The following BLTP3A variants were observed in gnomAD, a reference collection of about 807,000 sequenced individuals.
BLTP3A encodes bridge-like lipid transfer protein family member 3A, also known as ICBP90 binding protein 1.
chr6:34,858,012 G>A, the BLTP3A span: 1 of 1,556,934 alleles, frequency 6.4e-7, no homozygotes, highest in Admixed American at 1.9e-5. Flanking sequence ...CCATTTTGTG[G>A]AAGTAAGAAA....
the BLTP3A span, among the ~76,000 whole-genome samples, chr6:34,870,157 TG>T: frequency 1.3e-5 from 2 of 151,988 alleles, no homozygotes; most frequent in African/African-American, 2.4e-5. Context: ...TTCTAGTTTT[TG>T]TTTGTTTGTT....
the BLTP3A span, among the ~76,000 whole-genome samples, chr6:34,826,644 G>A: frequency 2.0e-5 from 3 of 152,102 alleles, no homozygotes; most frequent in Non-Finnish European, 2.9e-5. Context: ...AGACGTGAGC[G>A]ACTGTGCCTG....
the BLTP3A span, chr6:34,836,461 C>T: frequency 9.6e-7 from 1 of 1,041,014 alleles, no homozygotes; most frequent in African/African-American, 1.6e-5. Flanking sequence ...CTTTGGTTGG[C>T]TTCCCTTAAT....
the BLTP3A span, chr6:34,834,811 T>C: frequency 3.1e-6 from 5 of 1,614,242 alleles, 1 homozygote; most frequent in South Asian, 4.4e-5. Context: ...CACCACTCCA[T>C]TGAGGCTTAT....
chr6:34,792,381 G>A, the BLTP3A span: 117 of 1,352,586 alleles, frequency 8.7e-5, no homozygotes, highest in Middle Eastern at 7.8e-4. Context: ...TCCGGGCCCA[G>A]TCTGCCTCTC....
chr6:34,823,186 A>G, the BLTP3A span: 1 of 1,314,784 alleles, frequency 7.6e-7, no homozygotes, highest in Non-Finnish European at 1.1e-6. Context: ...GATGAATGAC[A>G]CAGTCTGTGC....
At chr6:34,859,707 A>G in the BLTP3A span, 11 of 1,312,058 alleles carry the variant, frequency 8.4e-6, no homozygotes, top group African/African-American at 1.5e-5. Context: ...AGAATGGCCT[A>G]TTTAATGGGC....
At chr6:34,850,138 G>A in the BLTP3A span, among the ~76,000 whole-genome samples, 1 of 150,048 alleles carries the variant, frequency 6.7e-6, no homozygotes, top group Non-Finnish European at 1.5e-5. Flanking sequence ...AGCAAAACTC[G>A]GTCTCAAAAA....
At chr6:34,821,617 A>G in the BLTP3A span, 2 of 1,560,450 alleles carry the variant, frequency 1.3e-6, no homozygotes, top group Non-Finnish European at 1.7e-6. Flanking sequence ...GCAGATTCCC[A>G]TGGAAATAAT....
the BLTP3A span, chr6:34,855,688 C>G: frequency 6.2e-7 from 1 of 1,613,696 alleles, no homozygotes; most frequent in Non-Finnish European, 8.5e-7. Flanking sequence ...TGACTATTAC[C>G]CTTTCCATTG....
At chr6:34,808,346 C>CAAAAAAAAAAAAAAAA in the BLTP3A span, among the ~76,000 whole-genome samples, 16 of 26,704 alleles carry the variant, frequency 6.0e-4, no homozygotes, top group East Asian at 1.9e-3. Flanking sequence ...AACTCCGTCT[C>CAAAAAAAAAAAAAAAA]AAAAAAAAAA....
At chr6:34,872,421 C>T in the BLTP3A span, 2 of 1,610,000 alleles carry the variant, frequency 1.2e-6, no homozygotes, top group South Asian at 1.1e-5. Context: ...GAAATATAAC[C>T]CCTTCTTTGA....
chr6:34,858,500 C>T, the BLTP3A span: 2 of 1,614,160 alleles, frequency 1.2e-6, no homozygotes, highest in Non-Finnish European at 8.5e-7. Flanking sequence ...AAAGGCCATA[C>T]CTTGAATTTT....
chr6:34,866,677 A>G, the BLTP3A span, among the ~76,000 whole-genome samples: 23 of 152,300 alleles, frequency 1.5e-4, no homozygotes, highest in African/African-American at 4.8e-4. Context: ...ACTACTGTCT[A>G]TCTGCAGGAT....
chr6:34,870,867 G>A, the BLTP3A span: 1 of 1,614,090 alleles, frequency 6.2e-7, no homozygotes, highest in Non-Finnish European at 8.5e-7. Flanking sequence ...CATGCTTTCA[G>A]GAATCCTCAA....
the BLTP3A span, among the ~76,000 whole-genome samples, chr6:34,794,510 C>T: frequency 2.6e-5 from 4 of 152,174 alleles, no homozygotes; most frequent in East Asian, 5.8e-4. Flanking sequence ...AATTCATATA[C>T]GCAAACAGGT....
At chr6:34,815,127 C>T in the BLTP3A span, among the ~76,000 whole-genome samples, 2 of 152,196 alleles carry the variant, frequency 1.3e-5, no homozygotes, top group African/African-American at 4.8e-5. Flanking sequence ...TTATGAAGAC[C>T]CTTCGTTCAG....
chr6:34,857,502 A>C, the BLTP3A span: 3 of 1,601,156 alleles, frequency 1.9e-6, no homozygotes. Flanking sequence ...TTTTCTGTCT[A>C]GCTCATGCTT....
At chr6:34,834,404 G>A in the BLTP3A span, 1 of 1,612,888 alleles carries the variant, frequency 6.2e-7, no homozygotes, top group East Asian at 2.2e-5. Context: ...CTGCCGAGGA[G>A]AGGTGACAGC....
Sources: gnomAD v4.1 joint callset for allele counts (sites outside exome capture counted in the v4.1 genomes callset) on GRCh38, gnomAD v4.1.1 for gene constraint, MANE v1.5 for transcripts, NCBI Gene and HGNC (gene_info 2026-07-23, HGNC 2026-07-21) for gene names.